Variants in CEP55 observed in about 807,000 individuals in gnomAD.
CEP55 encodes the protein centrosomal protein of 55 kDa.
CEP55 carries 57 observed loss-of-function variants against 63.2 expected under a neutral mutation model. The observed-to-expected ratio is 0.90, with a 90% CI of 0.73 to 1.13. The LOEUF is 1.13. CEP55 is among the 50% of genes most tolerant of loss of function. The pLI is 0.00. For synonymous variants in CEP55, 178 were observed against 191.6 expected, an observed-to-expected ratio of 0.93 and a Z score of 0.59; for missense variants, 456 against 518.9, an observed-to-expected ratio of 0.88 and a Z score of 1.18.
Position 93,528,252 on chromosome 10 carries a change from T to C in CEP55, c.*99T>C. On this transcript the variant is annotated 3_prime_UTR_variant, in exon 9 of 9. Coordinates refer to ENST00000371485, the MANE Select transcript of CEP55 (RefSeq NM_018131.5). ...ATATATTTCACATTTTGCATAAAAC[T>C]GCCTATCTACCTTTGACACTCCAGC... The C allele has an allele frequency of 9.9e-7, 1 of 1,010,560 alleles. No individual in the cohort carries two copies. Among genetic ancestry groups the C allele is most frequent in the South Asian group, 1.5e-5 (1 of 65,346 alleles). 62.6% of individuals were successfully genotyped at this position (1,010,560 alleles called of 1,614,324 possible). A position where few individuals can be genotyped will look rare whatever the true frequency, so the allele number is the denominator to read the frequency against.
Position 93,517,001 on chromosome 10 carries a change from A to G in CEP55, c.746A>G (p.Glu249Gly). The change falls in exon 6 of 9, where the codon GAG becomes GGG. Residue 249 changes from glutamate (E) to glycine (G), a missense_variant. By Grantham distance (98) the Glu-to-Gly change is moderately conservative. Coordinates refer to ENST00000371485, the MANE Select transcript of CEP55 (RefSeq NM_018131.5). ...DLLASAKKDL[E>G]VERQTITQLS... Reference sequence around the variant, plus strand: ...TTGGCAAGTGCAAAAAAAGATCTTGAGGTTGAACGACAAACCATAACTCAG... The same window carrying G: ...TTGGCAAGTGCAAAAAAAGATCTTGGGGTTGAACGACAAACCATAACTCAG... 5.0e-6 allele frequency: 8 copies of G among 1,608,164 alleles called. No homozygotes were observed. Among genetic ancestry groups the G allele is most frequent in the Non-Finnish European group, 6.8e-6 (8 of 1,175,816 alleles).
intron 8 of CEP55, among the ~76,000 whole-genome samples, chr10:93,522,769 T>C (rs1030194781): frequency 2.6e-5 from 4 of 151,844 alleles, no homozygotes; most frequent in African/African-American, 9.7e-5. Flanking sequence ...CAGAAGAGAG[T>C]GGGGGGTCAA....
At chr10:93,500,961 A>G (rs1227298124) in intron 2 of CEP55, among the ~76,000 whole-genome samples, 3 of 152,058 alleles carry the variant, frequency 2.0e-5, no homozygotes, top group South Asian at 4.1e-4. Flanking sequence ...TTACTCGTTG[A>G]TGTACTTTAA....
intron 2 of CEP55, among the ~76,000 whole-genome samples, chr10:93,502,554 T>C (rs763599123): frequency 1.3e-5 from 2 of 152,228 alleles, no homozygotes; most frequent in Non-Finnish European, 2.9e-5. Flanking sequence ...ACATTACTTA[T>C]GTATATCTTG....
intron 4 of CEP55, chr10:93,510,437 CGTT>C (rs1564763906): frequency 3.9e-5 from 6 of 152,176 alleles, no homozygotes; most frequent in East Asian, 3.9e-4. Context: ...AAAATTCAAC[CGTT>C]GTTAACATGT....
chr10:93,524,674 G>A (rs1175662245), intron 8 of CEP55, among the ~76,000 whole-genome samples: 5 of 152,074 alleles, frequency 3.3e-5, no homozygotes, highest in African/African-American at 9.7e-5. Flanking sequence ...GATGAACATC[G>A]ATGCAAAAAT....
rs762080967 is a variant in CEP55 at position 93,500,242 on chromosome 10, G to A, written c.183+8G>A. The A allele has an allele frequency of 1.2e-6, 2 of 1,600,532 alleles. No individual in the cohort carries two copies. The highest frequency in any genetic ancestry group is 2.2e-5 in the East Asian group (1 of 44,770). ...AGACACAGACTTTTGGAGGTAAATG[G>A]TCTTCTGATCCTTTAAATTGTAAGC... On this transcript the variant is annotated splice_region_variant and intron_variant, in intron 2 of 8. Coordinates refer to ENST00000371485, the MANE Select transcript of CEP55 (RefSeq NM_018131.5).
chr10:93,508,063 G>A (rs749619098), intron 4 of CEP55, among the ~76,000 whole-genome samples: 20 of 152,318 alleles, frequency 1.3e-4, no homozygotes, highest in Middle Eastern at 3.4e-3. Context: ...GCTTTCGTAG[G>A]TTGAAAAGGA....
At chr10:93,500,456 T>A (rs1233752615) in intron 2 of CEP55, among the ~76,000 whole-genome samples, 1 of 152,242 alleles carries the variant, frequency 6.6e-6, no homozygotes, top group East Asian at 1.9e-4. Context: ...TAAATGTAAT[T>A]GAGTATGTGT....
chr10:93,503,307 C>A lies in CEP55; in HGVS notation c.378C>A (p.Asp126Glu), dbSNP rs201117242. 2 of 1,614,096 alleles carry A rather than the reference C, an allele frequency of 1.2e-6. No homozygotes were observed. Among genetic ancestry groups the A allele is most frequent in the East Asian group, 4.5e-5 (2 of 44,878 alleles). Residue 126 changes from aspartate (D) to glutamate (E), a missense_variant, in exon 3 of 9, where the codon GAC becomes GAA. Coordinates refer to ENST00000371485, the MANE Select transcript of CEP55 (RefSeq NM_018131.5). ...TGAAAGCCTTATCTGAAGAGAAAGA[C>A]GTATTGAAACAACAGTTGTCTGCTG... ...QVLKALSEEK[D>E]VLKQQLSAAT...
chr10:93,500,018 CA>C (rs2057615888), intron 1 of CEP55, 21 bp from the exon 2 acceptor site: 1 of 1,484,148 alleles, frequency 6.7e-7, no homozygotes, highest in African/African-American at 1.4e-5. Flanking sequence ...CAGAATTATA[CA>C]GTTGATTTTT....
intron 4 of CEP55, among the ~76,000 whole-genome samples, chr10:93,507,736 C>T (rs1336383467): frequency 6.6e-6 from 1 of 152,142 alleles, no homozygotes. Context: ...GCAGCCTCCA[C>T]CTCCCAGGTT....
At chr10:93,507,143 T>C (rs2057697649) in intron 4 of CEP55, 87 bp downstream of exon 4, 1 of 734,466 alleles carries the variant, frequency 1.4e-6, no homozygotes, top group Non-Finnish European at 2.3e-6. Flanking sequence ...ATTAGTGCTG[T>C]GACAGAAAAA....
chr10:93,517,149 G>T lies in CEP55; in HGVS notation c.894G>T (p.Arg298Ser), dbSNP rs763831721. ...ATGTGCAACATCTGGAAGATGATAG[G>T]CATAAAACAGAGAAGATACAAAAAC... ...RADVQHLEDD[R>S]HKTEKIQKLR... Residue 298 changes from arginine (R) to serine (S), a missense_variant, in exon 6 of 9, where the codon AGG (arginine) becomes AGT (serine). Coordinates refer to ENST00000371485, the MANE Select transcript of CEP55 (RefSeq NM_018131.5). 2 of 1,613,692 alleles carry T rather than the reference G, an allele frequency of 1.2e-6. No individual in the cohort carries two copies. The highest frequency in any genetic ancestry group is 2.7e-5 in the African/African-American group (2 of 74,924).
At chr10:93,518,303 C>T (rs902670190) in intron 6 of CEP55, among the ~76,000 whole-genome samples, 2 of 152,088 alleles carry the variant, frequency 1.3e-5, no homozygotes, top group Middle Eastern at 3.2e-3. Flanking sequence ...GTGCCCACCA[C>T]CACGGCTGGC....
At chr10:93,508,315 A>C (rs1171451027) in intron 4 of CEP55, among the ~76,000 whole-genome samples, 2 of 152,214 alleles carry the variant, frequency 1.3e-5, no homozygotes, top group East Asian at 3.9e-4. Flanking sequence ...GGTTCCAAAA[A>C]TATTACTGGC....
chr10:93,518,204 C>T (rs1158967288), intron 6 of CEP55, among the ~76,000 whole-genome samples: 1 of 151,498 alleles, frequency 6.6e-6, no homozygotes, highest in South Asian at 2.1e-4. Flanking sequence ...GGCTGGAATG[C>T]AATGGCGTAA....
intron 4 of CEP55, among the ~76,000 whole-genome samples, chr10:93,511,796 G>T (rs12252373): frequency 1.3e-5 from 2 of 151,640 alleles, no homozygotes; most frequent in Non-Finnish European, 2.9e-5. Context: ...TAGAGACGGG[G>T]TTTCACCATA....
intron 4 of CEP55, among the ~76,000 whole-genome samples, chr10:93,509,927 G>A (rs997728142): frequency 6.6e-5 from 10 of 152,170 alleles, no homozygotes; most frequent in African/African-American, 9.7e-5. Context: ...TTGCAGCACC[G>A]ACACTGGCAC....
Sources: gnomAD v4.1 joint callset for allele counts (sites outside exome capture counted in the v4.1 genomes callset) on GRCh38, gnomAD v4.1.1 for gene constraint, MANE v1.5 for transcripts, NCBI Gene and HGNC (gene_info 2026-07-23, HGNC 2026-07-21) for gene names.